WWOX: variants seen among roughly 807,000 people sequenced by gnomAD.
WWOX encodes the protein WW domain containing oxidoreductase.
Under a neutral mutation model 46.2 loss-of-function variants are expected in WWOX, and 69 were observed. The observed-to-expected ratio is 1.49, with a 90% CI of 1.23 to 1.82. The LOEUF (loss-of-function observed/expected upper bound fraction) is 1.82, where lower values mean the gene tolerates loss of function less well. Ranked by LOEUF, WWOX falls within the 40% of genes most tolerant of loss-of-function variation. WWOX has a pLI of 0.00. For missense variants in WWOX, 919 were observed against 542.6 expected, an observed-to-expected ratio of 1.69 and a Z score of -6.89; for synonymous variants, 359 against 202.6, an observed-to-expected ratio of 1.77 and a Z score of -6.56.
intron 8 of WWOX, among the ~76,000 whole-genome samples, chr16:79,114,176 T>C (rs1045409146): frequency 6.6e-6 from 1 of 152,086 alleles, no homozygotes; most frequent in African/African-American, 2.4e-5. Context: ...GCATCTATTA[T>C]GGGTTGAATT....
At chr16:78,386,837 C>G (rs2082070950) in intron 5 of WWOX, 23 bp from the exon 6 acceptor site, 2 of 1,601,192 alleles carry the variant, frequency 1.2e-6, no homozygotes, top group South Asian at 1.1e-5. Flanking sequence ...TTTATCATTT[C>G]TTTTTATTTT....
intron 8 of WWOX, among the ~76,000 whole-genome samples, chr16:78,605,488 G>A (rs1348713720): frequency 6.6e-6 from 1 of 150,980 alleles, no homozygotes; most frequent in Non-Finnish European, 1.5e-5. Context: ...TCTTTCCCTT[G>A]GCCCTTGTCA....
intron 5 of WWOX, among the ~76,000 whole-genome samples, chr16:78,320,797 C>A (rs1341198708): frequency 6.6e-6 from 1 of 152,126 alleles, no homozygotes; most frequent in Non-Finnish European, 1.5e-5. Context: ...AAGTAACATT[C>A]TTAGAAAACT....
At chr16:78,527,953 A>G (rs945873618) in intron 8 of WWOX, among the ~76,000 whole-genome samples, 2 of 147,810 alleles carry the variant, frequency 1.4e-5, no homozygotes, top group African/African-American at 5.0e-5. Flanking sequence ...CATTGTGCAA[A>G]GATTCAAGGT....
At chr16:78,501,752 G>A (rs751667867) in intron 8 of WWOX, among the ~76,000 whole-genome samples, 2 of 152,094 alleles carry the variant, frequency 1.3e-5, no homozygotes, top group African/African-American at 2.4e-5. Context: ...GGCCAGGCTG[G>A]TCTCGAACTC....
chr16:78,309,820 ACT>A (rs2080206351), intron 5 of WWOX, among the ~76,000 whole-genome samples: 2 of 152,278 alleles, frequency 1.3e-5, no homozygotes, highest in South Asian at 4.2e-4. Flanking sequence ...CTGAAGTCTA[ACT>A]CTAATCCTGG....
chr16:78,460,449 A>C (rs1293535137), intron 8 of WWOX, among the ~76,000 whole-genome samples: 1 of 152,200 alleles, frequency 6.6e-6, no homozygotes, highest in Non-Finnish European at 1.5e-5. Context: ...ACCTGTCTTC[A>C]GTCTACTCTT....
intron 8 of WWOX, among the ~76,000 whole-genome samples, chr16:78,550,270 A>G (rs1472702132): frequency 6.6e-6 from 1 of 152,264 alleles, no homozygotes; most frequent in Non-Finnish European, 1.5e-5. Context: ...TTTTGAGTCT[A>G]GAACAGCATC....
intron 5 of WWOX, among the ~76,000 whole-genome samples, chr16:78,297,294 C>T (rs1224062293): frequency 6.6e-6 from 1 of 152,116 alleles, no homozygotes; most frequent in African/African-American, 2.4e-5. Flanking sequence ...CAACAGTTGC[C>T]CTTAGTCCCT....
chr16:78,479,215 A>G (rs2084429446), intron 8 of WWOX, among the ~76,000 whole-genome samples: 2 of 152,354 alleles, frequency 1.3e-5, no homozygotes, highest in East Asian at 3.9e-4. Flanking sequence ...ACTTCATCCA[A>G]TACGTATTGA....
At chr16:78,916,954 T>C (rs1179023897) in intron 8 of WWOX, among the ~76,000 whole-genome samples, 1 of 152,194 alleles carries the variant, frequency 6.6e-6, no homozygotes, top group Non-Finnish European at 1.5e-5. Context: ...TTTAAGGACC[T>C]GGTTCCCCTC....
At chr16:78,560,601 G>A (rs376229613) in intron 8 of WWOX, among the ~76,000 whole-genome samples, 8 of 152,196 alleles carry the variant, frequency 5.3e-5, no homozygotes, top group South Asian at 2.1e-4. Context: ...CTGAGATCAC[G>A]CCATTATACT....
At chr16:78,494,349 G>A (rs915817553) in intron 8 of WWOX, among the ~76,000 whole-genome samples, 1 of 152,186 alleles carries the variant, frequency 6.6e-6, no homozygotes, top group Non-Finnish European at 1.5e-5. Context: ...TGAGACGTGG[G>A]TGGGGACACA....
Position 78,262,419 on chromosome 16 carries a change from C to A in WWOX, c.516+98130C>A, listed in dbSNP as rs1031894076. Among the ~76,000 whole-genome samples, 3 of 152,192 alleles carry A rather than the reference C, an allele frequency of 2.0e-5. No individual in the cohort carries two copies. The South Asian group carries it at 6.2e-4, about 32-fold the overall frequency. On this transcript the variant is annotated intron_variant, in intron 5 of 8. Transcript: ENST00000566780. ...GGACCTTCAGTCTGTTTGGAGCAAT[C>A]TCTTTATTAATTTATTTATTCAGTA... is the stretch of plus-strand genomic sequence containing the variant.
chr16:78,994,385 C>T (rs568504409), intron 8 of WWOX: 1 of 152,312 alleles, frequency 6.6e-6, no homozygotes, highest in South Asian at 2.1e-4. Context: ...GATAGGACGA[C>T]ACTTTTGATA....
intron 8 of WWOX, chr16:79,004,438 G>A (rs935109403): frequency 6.6e-6 from 1 of 152,220 alleles, no homozygotes; most frequent in African/African-American, 2.4e-5. Flanking sequence ...TACGTGGGGG[G>A]CAGGCAAAGC....
chr16:79,034,411 C>T (rs1308053685), intron 8 of WWOX, among the ~76,000 whole-genome samples: 1 of 152,152 alleles, frequency 6.6e-6, no homozygotes, highest in Admixed American at 6.5e-5. Context: ...GTGTTTTCTC[C>T]AAGGTGTATA....
At chr16:78,929,640 G>T (rs1230457323) in intron 8 of WWOX, among the ~76,000 whole-genome samples, 1 of 152,144 alleles carries the variant, frequency 6.6e-6, no homozygotes, top group Admixed American at 6.5e-5. Context: ...CTATTTCTGG[G>T]GTTGGGATGG....
chr16:78,116,841 T>C (rs992533550), intron 4 of WWOX, among the ~76,000 whole-genome samples: 1 of 152,250 alleles, frequency 6.6e-6, no homozygotes, highest in Non-Finnish European at 1.5e-5. Flanking sequence ...ACTCTTTTTC[T>C]GTAATGAGTA....
Sources: gnomAD v4.1 joint callset for allele counts (sites outside exome capture counted in the v4.1 genomes callset) on GRCh38, gnomAD v4.1.1 for gene constraint, MANE v1.5 for transcripts, NCBI Gene and HGNC (gene_info 2026-07-23, HGNC 2026-07-21) for gene names.